Variants in ABL2 observed in about 807,000 individuals in gnomAD.
The protein encoded by ABL2 is ABL proto-oncogene 2, non-receptor tyrosine kinase.
A neutral mutation model predicts 107.7 loss-of-function variants in ABL2; 49 were observed. The ratio of observed to expected loss-of-function variants is 0.45; its 90% confidence interval spans 0.36 to 0.58. The LOEUF (loss-of-function observed/expected upper bound fraction) is 0.58, where lower values mean the gene tolerates loss of function less well. ABL2 is among the 20% of genes least tolerant of loss of function. The pLI is 0.00. For synonymous variants in ABL2, 549 were observed against 548.6 expected (o/e 1.00, Z -0.01); for missense variants, 1,245 against 1,457.0 (o/e 0.85, Z 2.37).
rs555966521 is a variant in ABL2, at chr1:179,196,065, G to A, written c.157+33176C>T. Among the ~76,000 whole-genome samples the A allele has an allele frequency of 5.3e-5, 8 of 152,252 alleles. No individual in the cohort carries two copies. In the South Asian group the frequency reaches 6.2e-4, roughly 12 times the overall value. ...AGCACTTTGGCAGGCCGAGGTGGAC[G>A]GATCACTTGAGGCCAGGAGTTCCTC... On this transcript the variant is annotated intron_variant, in intron 1 of 11. Transcript: ENST00000502732.
Position 179,229,568 on chromosome 1 carries a change from C to T in ABL2, c.-171G>A. 1 of 620,858 alleles carries T rather than the reference C, an allele frequency of 1.6e-6. No homozygotes were observed. Among genetic ancestry groups the T allele is most frequent in the Non-Finnish European group, 2.5e-6 (1 of 395,726 alleles). 38.5% of individuals were successfully genotyped at this position (620,858 alleles called of 1,614,324 possible). A position where few individuals can be genotyped will look rare whatever the true frequency, so the allele number is the denominator to read the frequency against. ...CCCGGCCTCCTCACGGCAGCCGCCG[C>T]GCTGCCTCCAGGCGACTCACAGATT... is the stretch of plus-strand genomic sequence containing the variant. On this transcript the variant is annotated 5_prime_UTR_variant, in exon 1 of 12. Transcript: ENST00000502732.
At chr1:179,121,153 G>A (rs979056198) in intron 5 of ABL2, among the ~76,000 whole-genome samples, 4 of 152,152 alleles carry the variant, frequency 2.6e-5, no homozygotes, top group East Asian at 1.9e-4. Context: ...GTAGTACTAC[G>A]AAAAAGATTT....
Position 179,229,277 on chromosome 1 carries a change from T to C in ABL2, c.121A>G (p.Thr41Ala), listed in dbSNP as rs1292951930. 3 of 1,563,984 alleles carry C rather than the reference T, an allele frequency of 1.9e-6. No individual in the cohort carries two copies. In the African/African-American group the frequency reaches 4.1e-5, roughly 22 times the overall value. ...SGRRRDPAGR[T>A]TETGFNIFTQ... ...AAGATATTGAAGCCGGTCTCTGTGG[T>C]GCGCCCCGCCGGGTCCCGCCTGCGG... Residue 41 changes from threonine (T) to alanine (A), a missense_variant, in exon 1 of 12, where the codon ACC (threonine) becomes GCC (alanine). Physicochemically the swap from Thr to Ala is moderately conservative, Grantham distance 58. This residue lies in a region of ABL2 where 164 missense variants were observed against 143.7 expected (regional missense o/e 1.14). Transcript: ENST00000502732.
chr1:179,196,980 G>A (rs1661351912), intron 1 of ABL2, among the ~76,000 whole-genome samples: 1 of 152,148 alleles, frequency 6.6e-6, no homozygotes. Context: ...CTCAGCTAAA[G>A]ATGACTGTGA....
intron 1 of ABL2, among the ~76,000 whole-genome samples, chr1:179,174,291 TAA>T (rs1356030133): frequency 1.4e-4 from 17 of 117,308 alleles, no homozygotes; most frequent in Admixed American, 3.5e-4. Flanking sequence ...CTGTCTCCAA[TAA>T]AAAAAAAAAA....
chr1:179,112,274 A>G (rs1166735265), intron 10 of ABL2, 35 bp downstream of exon 10: 3 of 1,570,998 alleles, frequency 1.9e-6, no homozygotes, highest in Non-Finnish European at 2.6e-6. Context: ...ACTACCCAGA[A>G]TTAGTCACCA....
chr1:179,121,655 T>C lies in ABL2; in HGVS notation c.900A>G (p.Gly300=). Residue 300 remains glycine, a synonymous_variant, in exon 5 of 12, where the codon GGA becomes GGG. Coordinates refer to ENST00000502732, the MANE Select transcript of ABL2 (RefSeq NM_007314.4). ...TCTTCCAGACGCCAACGTAAACCTCTCCATACTGACCGCCCCCAAGTTTGT... is the reference window on the plus strand; with the variant it reads ...TCTTCCAGACGCCAACGTAAACCTCCCCATACTGACCGCCCCCAAGTTTGT... ...MKHKLGGGQY[G]EVYVGVWKKY... 6.2e-7 allele frequency: 1 copy of C among 1,614,184 alleles called. No homozygotes were observed.
intron 4 of ABL2, among the ~76,000 whole-genome samples, chr1:179,123,012 C>T (rs991601748): frequency 3.3e-5 from 5 of 152,060 alleles, no homozygotes; most frequent in East Asian, 1.9e-4. Context: ...ACAGAAGATA[C>T]GTAAAGAAGA....
Position 179,110,547 on chromosome 1 carries a change from C to T in ABL2, c.1652-92G>A, listed in dbSNP as rs941852221. ...GAAAAGGCACACAACTGAGAAAGAA[C>T]TGGCAAGTAGAGTACTAAAATACAT... On this transcript the variant is annotated intron_variant, in intron 10 of 11. Coordinates refer to ENST00000502732, the MANE Select transcript of ABL2 (RefSeq NM_007314.4). 4.6e-6 allele frequency: 7 copies of T among 1,526,390 alleles called. No individual in the cohort carries two copies. The African/African-American group carries it at 8.3e-5, about 18-fold the overall frequency. The allele number at this position is 1,526,390 out of a possible 1,614,324, so 94.6% of individuals were successfully genotyped here. A position where few individuals can be genotyped will look rare whatever the true frequency, so the allele number is the denominator to read the frequency against.
chr1:179,115,678 A>AG (rs1014359247), intron 8 of ABL2, among the ~76,000 whole-genome samples: 76 of 151,758 alleles, frequency 5.0e-4, no homozygotes, highest in East Asian at 5.8e-4. Context: ...CAGGCATCCA[A>AG]GGGGGGGGTC....
chr1:179,132,240 T>C (rs1367118950), intron 2 of ABL2, among the ~76,000 whole-genome samples: 2 of 151,948 alleles, frequency 1.3e-5, no homozygotes, highest in Non-Finnish European at 2.9e-5. Context: ...CGGGCATTTA[T>C]TGAGTTTCTA....
Position 179,217,412 on chromosome 1 carries a change from G to A in ABL2, c.157+11829C>T, listed in dbSNP as rs145677560. ...AGGCCAAGGTGGATGAGTCACCTGAGGTCAGGAGTTCAAGACTAGCCTGGC... is the reference window on the plus strand; with the variant it reads ...AGGCCAAGGTGGATGAGTCACCTGAAGTCAGGAGTTCAAGACTAGCCTGGC... On this transcript the variant is annotated intron_variant, in intron 1 of 11. Coordinates refer to ENST00000502732, the MANE Select transcript of ABL2 (RefSeq NM_007314.4). Among the ~76,000 whole-genome samples the A allele has an allele frequency of 1.1e-3, 162 of 151,902 alleles. 2 individuals carry two copies. In the East Asian group the frequency reaches 0.016, roughly 15 times the overall value.
At chr1:179,137,337 T>C (rs1485597822) in intron 1 of ABL2, among the ~76,000 whole-genome samples, 1 of 152,108 alleles carries the variant, frequency 6.6e-6, no homozygotes, top group Admixed American at 6.6e-5. Context: ...GCCAATCCTT[T>C]ATTAAAATGA....
At chr1:179,134,196 A>G (rs992149782) in intron 1 of ABL2, among the ~76,000 whole-genome samples, 2 of 152,228 alleles carry the variant, frequency 1.3e-5, no homozygotes, top group South Asian at 2.1e-4. Context: ...ACACAAACAT[A>G]TAAGTGACAG....
At chr1:179,110,941 C>A in intron 10 of ABL2, 11 of 1,346,264 alleles carry the variant, frequency 8.2e-6, no homozygotes, top group Non-Finnish European at 1.0e-5. Flanking sequence ...GCTGTGGTTA[C>A]TCTGCATGCT....
chr1:179,227,929 T>C (rs932773886), intron 1 of ABL2, among the ~76,000 whole-genome samples: 9 of 149,464 alleles, frequency 6.0e-5, no homozygotes, highest in African/African-American at 2.0e-4. Flanking sequence ...CGGGCGCCTG[T>C]AATCCCAGCT....
intron 10 of ABL2, among the ~76,000 whole-genome samples, chr1:179,111,025 C>T (rs1350883934): frequency 6.9e-6 from 1 of 145,520 alleles, no homozygotes; most frequent in Non-Finnish European, 1.5e-5. Context: ...ACCCTGTTGC[C>T]CAGGCTGGAG....
chr1:179,151,532 C>T (rs762608805), intron 1 of ABL2, among the ~76,000 whole-genome samples: 1 of 151,950 alleles, frequency 6.6e-6, no homozygotes, highest in African/African-American at 2.4e-5. Flanking sequence ...TCAATGCTTC[C>T]AATGAAGTCA....
chr1:179,229,170 G>GGCCCCCCCCCC lies in ABL2; in HGVS notation c.157+70_157+71insGGGGGGGGGGC. ...CTCCGACCCCTCGGGCAGCCCGTCC[G>GGCCCCCCCCCC]CCACCCACCCCGCCCCGACCCCACC... On this transcript the variant is annotated intron_variant, in intron 1 of 11. Coordinates refer to ENST00000502732, the MANE Select transcript of ABL2 (RefSeq NM_007314.4). 52 of 266,254 alleles carry GGCCCCCCCCCC rather than the reference G, an allele frequency of 2.0e-4. 1 individual carries two copies. Among genetic ancestry groups the GGCCCCCCCCCC allele is most frequent in the East Asian group, 8.4e-4 (9 of 10,680 alleles). 16.5% of individuals were successfully genotyped at this position (266,254 alleles called of 1,614,324 possible).
Sources: allele counts gnomAD v4.1 joint callset (sites outside exome capture counted in the v4.1 genomes callset), GRCh38; gene constraint gnomAD v4.1.1; regional missense constraint gnomAD v4.1.1; transcripts MANE v1.5; gene names NCBI Gene and HGNC (gene_info 2026-07-23, HGNC 2026-07-21).